KCNAB2: variants seen among roughly 807,000 people sequenced by gnomAD.
KCNAB2 encodes voltage-gated potassium channel subunit beta-2.
KCNAB2 carries 29 observed loss-of-function variants against 63.6 expected under a neutral mutation model. That is an observed-to-expected ratio of 0.46 (90% CI 0.34 to 0.62). KCNAB2 has a LOEUF of 0.62. KCNAB2 is among the 20% of genes least tolerant of loss of function. The pLI, the probability that KCNAB2 is intolerant of heterozygous loss-of-function variation, is 0.01. For synonymous variants in KCNAB2, 222 were observed against 224.2 expected (o/e 0.99, Z 0.09); for missense variants, 359 against 563.9 (o/e 0.64, Z 3.68).
intron 1 of KCNAB2, among the ~76,000 whole-genome samples, chr1:6,004,507 G>A (rs369866913): frequency 6.6e-5 from 10 of 152,152 alleles, no homozygotes; most frequent in African/African-American, 2.4e-4. Context: ...GGAGACCGAG[G>A]TAGCATGTGT....
At chr1:6,095,746 C>T (rs1166605884) in intron 13 of KCNAB2, 122 bp downstream of exon 13, 7 of 902,710 alleles carry the variant, frequency 7.8e-6, no homozygotes, top group Admixed American at 4.1e-5. Context: ...GTTCCCACCT[C>T]GGTCTGCTGG....
intron 10 of KCNAB2, among the ~76,000 whole-genome samples, chr1:6,092,055 A>G (rs1008514758): frequency 2.6e-5 from 4 of 152,202 alleles, no homozygotes; most frequent in Non-Finnish European, 4.4e-5. Context: ...CCTGTCTGCC[A>G]ACTGGTGCTG....
At chr1:6,017,406 CTGTGTGTGTGTGTGTG>C (rs56202547) in intron 1 of KCNAB2, among the ~76,000 whole-genome samples, 2 of 147,188 alleles carry the variant, frequency 1.4e-5, no homozygotes, top group South Asian at 2.2e-4. Context: ...CCATACCTGG[CTGTGTGTGTGTGTGTG>C]TGTGTGTGTG....
In KCNAB2 at chr1:6,028,826, GCCTGGCAAATAGATA is replaced by G. The variant is rs990399823; in HGVS notation, c.-52-11690_-52-11676del. Among the ~76,000 whole-genome samples, 1 of 152,202 alleles carries G rather than the reference GCCTGGCAAATAGATA, an allele frequency of 6.6e-6. No individual in the cohort carries two copies. Among genetic ancestry groups the G allele is most frequent in the African/African-American group, 2.4e-5 (1 of 41,450 alleles). On this transcript the variant is annotated intron_variant, in intron 1 of 16. Coordinates refer to the KCNAB2 transcript ENST00000341524. This position sits in a 1 kb window ranked among gnomAD's most constrained non-coding sequence, Gnocchi z 4.0. ...CTTTTGAAAGCTGTGAGTCCAAGTTGCCTGGCAAATAGATAAGGAATACAAGGTGATCATTCTTAA... is the reference window on the plus strand; with the variant it reads ...CTTTTGAAAGCTGTGAGTCCAAGTTGAGGAATACAAGGTGATCATTCTTAA...
intron 9 of KCNAB2, among the ~76,000 whole-genome samples, chr1:6,090,745 G>A (rs992915083): frequency 6.6e-6 from 1 of 152,256 alleles, no homozygotes; most frequent in Admixed American, 6.5e-5. Flanking sequence ...TCCGCCCTCC[G>A]AGTCAGAGCC....
At chr1:6,040,506 T>C in intron 1 of KCNAB2, 1 of 1,460,758 alleles carries the variant, frequency 6.8e-7, no homozygotes, top group Non-Finnish European at 9.6e-7. Context: ...CTTATTTTGC[T>C]TTTCTTCCAG....
At position 6,095,331 on chromosome 1, in the gene KCNAB2, C is replaced by T. The variant is rs779987039; in HGVS notation, c.741C>T (p.Tyr247=). The T allele has an allele frequency of 5.0e-6, 8 of 1,612,500 alleles. No individual in the cohort carries two copies. The South Asian group carries it at 8.8e-5, about 18-fold the overall frequency. The change falls in exon 12 of 16, where the codon TAC becomes TAT. Residue 247 remains tyrosine (Y), a synonymous_variant. Coordinates refer to ENST00000378083, the MANE Select transcript of KCNAB2 (RefSeq NM_001199862.2). ...RWSSMEIMEA[Y]SVARQFNLTP... Reference sequence around the variant, plus strand: ...CCTTTCTGCCTTCACAGGAGGCCTACTCCGTGGCCCGGCAGTTCAACCTGA... The same window carrying T: ...CCTTTCTGCCTTCACAGGAGGCCTATTCCGTGGCCCGGCAGTTCAACCTGA...
At chr1:5,997,026 G>A (rs981216048) in intron 1 of KCNAB2, among the ~76,000 whole-genome samples, 4 of 152,156 alleles carry the variant, frequency 2.6e-5, no homozygotes, top group African/African-American at 4.8e-5. Context: ...TAAGCCACAC[G>A]GATCATTCGT....
intron 1 of KCNAB2, among the ~76,000 whole-genome samples, chr1:6,040,261 G>A (rs1318199664): frequency 6.6e-6 from 1 of 152,186 alleles, no homozygotes; most frequent in Non-Finnish European, 1.5e-5. Context: ...TAAGGTGGGA[G>A]TGTGGAGTGA....
chr1:6,090,875 CT>C (rs1351632840), intron 9 of KCNAB2, among the ~76,000 whole-genome samples: 1 of 152,098 alleles, frequency 6.6e-6, no homozygotes. Flanking sequence ...CTTGGGGGGA[CT>C]TTTTTGCTCT....
At chr1:6,004,129 G>A (rs1212664402) in intron 1 of KCNAB2, among the ~76,000 whole-genome samples, 1 of 152,240 alleles carries the variant, frequency 6.6e-6, no homozygotes, top group Non-Finnish European at 1.5e-5. Flanking sequence ...CAGAAGCAGG[G>A]CTGGGGCCCA....
Position 6,092,578 on chromosome 1 carries a change from C to T in KCNAB2, c.646+1271C>T, listed in dbSNP as rs983035658. ...TGATGCTGCATGCTCACAGGTGCCC[C>T]GAGAGTGTTTCTAAAAAACCACAAG... On this transcript the variant is annotated intron_variant, in intron 10 of 15. Coordinates refer to ENST00000378083, the MANE Select transcript of KCNAB2 (RefSeq NM_001199862.2). Among the ~76,000 whole-genome samples the T allele has an allele frequency of 2.6e-5, 4 of 152,220 alleles. No homozygotes were observed. The East Asian group carries it at 5.8e-4, about 22-fold the overall frequency.
At chr1:5,999,087 C>T (rs543351240) in intron 1 of KCNAB2, among the ~76,000 whole-genome samples, 25 of 152,360 alleles carry the variant, frequency 1.6e-4, no homozygotes, top group African/African-American at 5.8e-4. Flanking sequence ...ATTTCAACGG[C>T]GCATTCTTCC....
In KCNAB2 at chr1:6,096,812, G is replaced by A. The variant is rs1282732218; in HGVS notation, c.1069+56G>A. On this transcript the variant is annotated intron_variant, in intron 14 of 15. Coordinates refer to ENST00000378083, the MANE Select transcript of KCNAB2 (RefSeq NM_001199862.2). This position sits in a 1 kb window ranked among gnomAD's most constrained non-coding sequence, Gnocchi z 5.9. ...CCCTGGGGAGAACCTGCCCCAGCTG[G>A]CCGTAGGTAACAGGGTGGGGTTGCC... is the stretch of plus-strand genomic sequence containing the variant. The A allele has an allele frequency of 1.3e-6, 2 of 1,495,706 alleles. No homozygotes were observed. Among genetic ancestry groups the A allele is most frequent in the East Asian group, 4.9e-5 (2 of 40,662 alleles). 92.7% of individuals were successfully genotyped at this position (1,495,706 alleles called of 1,614,324 possible).
chr1:6,002,207 C>G (rs1657298157), intron 1 of KCNAB2, among the ~76,000 whole-genome samples: 1 of 152,188 alleles, frequency 6.6e-6, no homozygotes, highest in African/African-American at 2.4e-5. Context: ...AGAGAGAAGC[C>G]TTCAGAACCA....
intron 2 of KCNAB2, among the ~76,000 whole-genome samples, chr1:6,057,290 C>T (rs911348471): frequency 3.9e-5 from 6 of 151,982 alleles, no homozygotes; most frequent in African/African-American, 1.4e-4. Flanking sequence ...AGGCTCTTAC[C>T]ACAAGCTCAG....
rs374743251 is a variant in KCNAB2 at position 6,006,569 on chromosome 1, C to G, written c.-53+13781C>G. 6.7e-3 allele frequency among the ~76,000 whole-genome samples: 22 copies of G among 3,304 alleles called. 7 individuals are homozygous for G. The highest frequency in any genetic ancestry group is 0.048 in the East Asian group (2 of 42). The allele number at this position is 3,304 out of a possible 152,430, so 2.2% of individuals were successfully genotyped here. A position where few individuals can be genotyped will look rare whatever the true frequency, so the allele number is the denominator to read the frequency against. ...ACTCCTCCCCTACCCCTCAGCTCAG[C>G]TCCCACATCCCCCCACTTCACCCTC... On this transcript the variant is annotated intron_variant, in intron 1 of 16. Transcript: ENST00000341524.
At chr1:6,010,108 C>G (rs1343208417) in intron 1 of KCNAB2, among the ~76,000 whole-genome samples, 1 of 152,092 alleles carries the variant, frequency 6.6e-6, no homozygotes, top group Admixed American at 6.5e-5. Context: ...AACTCCTGGC[C>G]CCAAGTGATC....
intron 2 of KCNAB2, among the ~76,000 whole-genome samples, chr1:6,054,872 G>A (rs561080916): frequency 6.8e-4 from 104 of 152,266 alleles, no homozygotes; most frequent in African/African-American, 2.1e-3. Context: ...TCCATTTTTC[G>A]TCTGCCACAC....
Sources: gnomAD v4.1 joint callset for allele counts (sites outside exome capture counted in the v4.1 genomes callset) on GRCh38, gnomAD v4.1.1 for gene constraint, Gnocchi (gnomAD v3.1) non-coding constraint, MANE v1.5 for transcripts, NCBI Gene and HGNC (gene_info 2026-07-23, HGNC 2026-07-21) for gene names.